ZNF850: variants seen among roughly 807,000 people sequenced by gnomAD.
ZNF850 encodes putative zinc finger protein ENSP00000330994.
A neutral mutation model predicts 11.9 loss-of-function variants in ZNF850; 2 were observed. The observed-to-expected ratio is 0.17, with a 90% CI of 0.07 to 0.53. ZNF850 has a LOEUF of 0.53. Ranked by LOEUF, ZNF850 falls within the 20% of genes least tolerant of loss-of-function variation. The probability of loss-of-function intolerance (pLI) is 0.94; values close to 1 mark genes in which losing one functional copy is unlikely to be tolerated. For missense variants in ZNF850, 1,014 were observed against 1,316.4 expected (o/e 0.77, Z 3.55); for synonymous variants, 381 against 443.0 (o/e 0.86, Z 1.76).
chr19:36,748,266 T>C lies in ZNF850; in HGVS notation c.2774A>G (p.Tyr925Cys), dbSNP rs775429030. The change falls in exon 5 of 5, where the codon TAT becomes TGT. Residue 925 changes from tyrosine (Y) to cysteine (C), a missense_variant. Around this residue, in one of 2 missense-constraint regions of ZNF850, gnomAD observed 179 missense variants for 294.4 expected, o/e 0.61. Transcript: ENST00000591344. ...HQRIHTGEKP[Y>C]RCHECGKAFV... ...GGCTTTTCCACATTCATGACATCGA[T>C]AAGGTTTCTCACCAGTATGGATTCG... The C allele has an allele frequency of 2.6e-6, 4 of 1,558,160 alleles. No homozygotes were observed. The highest frequency in any genetic ancestry group is 8.7e-7 in the Non-Finnish European group (1 of 1,155,396).
Position 36,750,047 on chromosome 19 carries a change from G to A in ZNF850, c.993C>T (p.His331=). 1.3e-6 allele frequency: 2 copies of A among 1,541,406 alleles called. No individual in the cohort carries two copies. The highest frequency in any genetic ancestry group is 1.2e-5 in the South Asian group (1 of 84,108). ...TACAATCATACGGTTTCTCACCAGT[G>A]TGAATTTGCTGGTGTCGAATTAGTG... The part of the protein sequence containing the change: ...GSTLIRHQQI[H]TGEKPYDCKE... The change falls in exon 5 of 5, where the codon CAC becomes CAT. Residue 331 remains histidine, a synonymous_variant. Transcript: ENST00000591344.
intron 3 of ZNF850, 64 bp downstream of exon 3, chr19:36,762,241 G>C (rs2040523444): frequency 7.3e-7 from 1 of 1,376,036 alleles, no homozygotes; most frequent in Admixed American, 2.8e-5. Context: ...CAGGTGAAAA[G>C]TCACCCAGAC....
intron 1 of ZNF850, among the ~76,000 whole-genome samples, chr19:36,770,763 A>T (rs1274352447): frequency 6.8e-6 from 1 of 147,820 alleles, no homozygotes; most frequent in Non-Finnish European, 1.5e-5. Context: ...GATTCCAAGG[A>T]CTTTAGGAGT....
chr19:36,759,601 T>C (rs1017870500), intron 4 of ZNF850, among the ~76,000 whole-genome samples: 2 of 152,138 alleles, frequency 1.3e-5, no homozygotes, highest in South Asian at 4.1e-4. Flanking sequence ...TCAAGTAAGA[T>C]TGGAAACATG....
chr19:36,764,060 C>A (rs1463768201), intron 1 of ZNF850, among the ~76,000 whole-genome samples: 1 of 151,842 alleles, frequency 6.6e-6, no homozygotes, highest in East Asian at 1.9e-4. Context: ...TCCCGGCCAA[C>A]ATGGTGAAAC....
At position 36,747,592 on chromosome 19, in the gene ZNF850, C is replaced by T. The variant is rs925989822; in HGVS notation, c.*175G>A. 137 of 573,362 alleles carry T rather than the reference C, an allele frequency of 2.4e-4. No homozygotes were observed. The highest frequency in any genetic ancestry group is 5.0e-4 in the Middle Eastern group (1 of 2,020). The allele number at this position is 573,362 out of a possible 1,614,324, so 35.5% of individuals were successfully genotyped here. ...CAGAGCTTGCAGTGAGCCGAGATAG[C>T]GCCACTGCACTCCAGCCTGGGCGAC... On this transcript the variant is annotated 3_prime_UTR_variant, in exon 5 of 5. Coordinates refer to ENST00000591344, the MANE Select transcript of ZNF850 (RefSeq NM_001193552.2).
At chr19:36,758,450 G>C (rs139184854) in intron 4 of ZNF850, among the ~76,000 whole-genome samples, 1 of 151,190 alleles carries the variant, frequency 6.6e-6, no homozygotes, top group African/African-American at 2.4e-5. Context: ...GTGTGATCTC[G>C]GCTCATTGCT....
At chr19:36,771,745 C>A (rs2040585633) in intron 1 of ZNF850, among the ~76,000 whole-genome samples, 1 of 152,194 alleles carries the variant, frequency 6.6e-6, no homozygotes, top group African/African-American at 2.4e-5. Context: ...GTTTCGTAAG[C>A]CCCCACCATT....
Position 36,746,712 on chromosome 19 carries a change from T to G in ZNF850, c.*1055A>C, listed in dbSNP as rs1487156368. 2.6e-5 allele frequency: 4 copies of G among 152,184 alleles called. No individual in the cohort carries two copies. The highest frequency in any genetic ancestry group is 9.6e-5 in the African/African-American group (4 of 41,454). 9.4% of individuals were successfully genotyped at this position (152,184 alleles called of 1,614,324 possible). A position where few individuals can be genotyped will look rare whatever the true frequency, so the allele number is the denominator to read the frequency against. On this transcript the variant is annotated 3_prime_UTR_variant, in exon 5 of 5. Coordinates refer to ENST00000591344, the MANE Select transcript of ZNF850 (RefSeq NM_001193552.2). The stretch of plus-strand genomic sequence containing the variant: ...GAGAAGGTGCGCACAGACTTTAGTT[T>G]TGCTTGCTTTCTTTCCAGCAAGGAC...
chr19:36,749,574 C>G lies in ZNF850; in HGVS notation c.1466G>C (p.Arg489Pro), dbSNP rs746975515. 1.9e-6 allele frequency: 3 copies of G among 1,545,476 alleles called. No individual in the cohort carries two copies. In the South Asian group the frequency reaches 3.5e-5, roughly 18 times the overall value. ...CKECGKSFTF[R>P]STRNRHQRIH... is the part of the protein sequence containing the mutation. The stretch of plus-strand genomic sequence containing the variant: ...TCGCTGGTGTCGATTGCGTGTTGAG[C>G]GAAAAGTAAAAGATTTTCCACATTC... The change falls in exon 5 of 5, where the codon CGC (arginine) becomes CCC (proline). Residue 489 changes from arginine (R) to proline (P), a missense_variant. This residue lies in a region of ZNF850 where 835 missense variants were observed against 1,022.0 expected (regional missense o/e 0.82). Transcript: ENST00000591344.
rs1378203386 is a variant in ZNF850, at chr19:36,744,850, T to C, written c.*2917A>G. On this transcript the variant is annotated 3_prime_UTR_variant, in exon 5 of 5. Transcript: ENST00000591344. ...AAAGAATCAATTGAGCCGGGCGGGGTGGCTCACGCCTGTAATCCCAGCACT... is the reference window on the plus strand; with the variant it reads ...AAAGAATCAATTGAGCCGGGCGGGGCGGCTCACGCCTGTAATCCCAGCACT... 1 of 151,966 alleles carries C rather than the reference T, an allele frequency of 6.6e-6. No homozygotes were observed. The highest frequency in any genetic ancestry group is 6.6e-5 in the Admixed American group (1 of 15,258). 9.4% of individuals were successfully genotyped at this position (151,966 alleles called of 1,614,324 possible).
In ZNF850 at chr19:36,748,565, G is replaced by A. The variant is rs1253229208; in HGVS notation, c.2475C>T (p.Arg825=). The change falls in exon 5 of 5, where the codon CGC becomes CGT. Residue 825 remains arginine (R), a synonymous_variant. Coordinates refer to ENST00000591344, the MANE Select transcript of ZNF850 (RefSeq NM_001193552.2). ...CTGGCCGATGTTGAATTAGTGCTGA[G>A]CGAAGAGTAAAAGATTTCCCACATT... ...CKECGKSFTL[R]SALIQHRPVH... The A allele has an allele frequency of 1.3e-6, 2 of 1,536,964 alleles. No homozygotes were observed. The highest frequency in any genetic ancestry group is 1.7e-6 in the Non-Finnish European group (2 of 1,146,934).
At chr19:36,752,570 GGCT>G in intron 4 of ZNF850, among the ~76,000 whole-genome samples, 1 of 152,252 alleles carries the variant, frequency 6.6e-6, no homozygotes, top group East Asian at 1.9e-4. Flanking sequence ...GATGAGGAAT[GGCT>G]GCTAACTTCA....
chr19:36,766,716 C>T (rs2040551311), intron 1 of ZNF850, among the ~76,000 whole-genome samples: 1 of 152,050 alleles, frequency 6.6e-6, no homozygotes, highest in African/African-American at 2.4e-5. Flanking sequence ...GGTTTCTTTT[C>T]TTATTTCTAA....
intron 4 of ZNF850, among the ~76,000 whole-genome samples, chr19:36,756,192 C>T (rs903334548): frequency 3.3e-5 from 5 of 152,294 alleles, no homozygotes; most frequent in East Asian, 3.9e-4. Context: ...GCATGAGCCA[C>T]CGCACCTGGC....
At chr19:36,752,053 G>A (rs550214463) in intron 4 of ZNF850, among the ~76,000 whole-genome samples, 66 of 152,132 alleles carry the variant, frequency 4.3e-4, no homozygotes, top group Middle Eastern at 6.8e-3. Context: ...CACAAATGGG[G>A]TATCAGTATC....
At chr19:36,753,119 A>G (rs1803314873) in intron 4 of ZNF850, among the ~76,000 whole-genome samples, 1 of 151,808 alleles carries the variant, frequency 6.6e-6, no homozygotes, top group African/African-American at 2.4e-5. Flanking sequence ...AAAATACAAA[A>G]TAAGCCAGGC....
Position 36,746,447 on chromosome 19 carries a change from G to A in ZNF850, c.*1320C>T, listed in dbSNP as rs913743707. 2 of 152,206 alleles carry A rather than the reference G, an allele frequency of 1.3e-5. No individual in the cohort carries two copies. The highest frequency in any genetic ancestry group is 4.8e-5 in the African/African-American group (2 of 41,460). 9.4% of individuals were successfully genotyped at this position (152,206 alleles called of 1,614,324 possible). ...GCTCACTGCAACATCCGCCTCCCAG[G>A]TTCAAGCGATTCTCCAGCCTTGCCT... On this transcript the variant is annotated 3_prime_UTR_variant, in exon 5 of 5. Coordinates refer to ENST00000591344, the MANE Select transcript of ZNF850 (RefSeq NM_001193552.2).
chr19:36,754,527 G>T (rs865802788), intron 4 of ZNF850, among the ~76,000 whole-genome samples: 5 of 152,000 alleles, frequency 3.3e-5, no homozygotes, highest in Non-Finnish European at 7.4e-5. Flanking sequence ...AAAAGTTTAG[G>T]CTTCATCTTG....
Sources: allele counts gnomAD v4.1 joint callset (sites outside exome capture counted in the v4.1 genomes callset), GRCh38; gene constraint gnomAD v4.1.1; regional missense constraint gnomAD v4.1.1; transcripts MANE v1.5; gene names NCBI Gene and HGNC (gene_info 2026-07-23, HGNC 2026-07-21).